SHC3: variants seen among roughly 807,000 people sequenced by gnomAD.
The protein encoded by SHC3 is SHC-transforming protein 3.
SHC3 carries 15 observed loss-of-function variants against 60.4 expected under a neutral mutation model. The ratio of observed to expected loss-of-function variants is 0.25; its 90% CI spans 0.17 to 0.38. The LOEUF (loss-of-function observed/expected upper bound fraction) is 0.38, where lower values mean the gene tolerates loss of function less well. Ranked by LOEUF, SHC3 falls within the 10% of genes least tolerant of loss-of-function variation. SHC3 has a pLI of 1.00. For missense variants in SHC3, 677 were observed against 786.1 expected, an observed-to-expected ratio of 0.86 and a Z score of 1.66; for synonymous variants, 294 against 325.9, an observed-to-expected ratio of 0.90 and a Z score of 1.05.
At chr9:89,036,758 CAG>C (rs1305139446) in intron 11 of SHC3, among the ~76,000 whole-genome samples, 3 of 151,874 alleles carry the variant, frequency 2.0e-5, no homozygotes, top group Non-Finnish European at 2.9e-5. Context: ...TTTTTTGAAA[CAG>C]AGTCTTTCTC....
intron 2 of SHC3, among the ~76,000 whole-genome samples, chr9:89,112,243 C>T (rs1825958070): frequency 1.3e-5 from 2 of 152,216 alleles, no homozygotes; most frequent in South Asian, 4.2e-4. Context: ...TTTTAAAATA[C>T]CAATCTTGTG....
At chr9:89,074,364 C>A (rs936530974) in intron 4 of SHC3, among the ~76,000 whole-genome samples, 1 of 152,092 alleles carries the variant, frequency 6.6e-6, no homozygotes, top group Non-Finnish European at 1.5e-5. Flanking sequence ...ACACTCCACA[C>A]CCCCCTGGAT....
At chr9:89,177,652 C>A (rs1336002163) in intron 1 of SHC3, among the ~76,000 whole-genome samples, 1 of 152,222 alleles carries the variant, frequency 6.6e-6, no homozygotes, top group East Asian at 1.9e-4. Flanking sequence ...GCAGGCCGGA[C>A]CCCCGCTGCC....
At chr9:89,023,934 C>T (rs986167828) in intron 11 of SHC3, among the ~76,000 whole-genome samples, 3 of 152,254 alleles carry the variant, frequency 2.0e-5, no homozygotes, top group Admixed American at 1.3e-4. Context: ...CCATCCCACA[C>T]ATCCAGGCCC....
At chr9:89,067,594 T>A (rs560261777) in intron 5 of SHC3, among the ~76,000 whole-genome samples, 30 of 152,334 alleles carry the variant, frequency 2.0e-4, no homozygotes, top group East Asian at 1.2e-3. Flanking sequence ...GACATTATAC[T>A]TGTACATGAT....
At chr9:89,108,943 T>C (rs967037541) in intron 2 of SHC3, 3 of 548,290 alleles carry the variant, frequency 5.5e-6, no homozygotes, top group East Asian at 1.5e-4. Flanking sequence ...CCCACTGCCC[T>C]GCATCTGGGA....
chr9:89,027,296 C>T (rs957421897), intron 11 of SHC3, among the ~76,000 whole-genome samples: 5 of 150,606 alleles, frequency 3.3e-5, no homozygotes, highest in African/African-American at 1.2e-4. Context: ...AAGTTTTTGA[C>T]AGTAGACAAC....
At position 89,013,536 on chromosome 9, in the gene SHC3, G is replaced by A; in HGVS notation, c.1696C>T (p.Leu566Phe). ...KDRVFDSISHLINHHLESSLP... is the reference protein window; with the variant it reads ...KDRVFDSISHFINHHLESSLP... ...CTGCTTTCTAGGTGGTGGTTGATGA[G>A]GTGGCTGATACTGTCAAAGACTCTG... The change falls in exon 12 of 12, where the codon CTC (leucine) becomes TTC (phenylalanine). Residue 566 changes from leucine to phenylalanine, a missense_variant. Coordinates refer to ENST00000375835, the MANE Select transcript of SHC3 (RefSeq NM_016848.6). 6.2e-7 allele frequency: 1 copy of A among 1,614,034 alleles called. No homozygotes were observed. Among genetic ancestry groups the A allele is most frequent in the South Asian group, 1.1e-5 (1 of 91,060 alleles).
At chr9:89,102,256 T>A (rs1825793645) in intron 2 of SHC3, among the ~76,000 whole-genome samples, 1 of 152,188 alleles carries the variant, frequency 6.6e-6, no homozygotes, top group African/African-American at 2.4e-5. Flanking sequence ...GCATTGATCT[T>A]TTTAAAAACC....
chr9:89,118,727 A>G (rs1429601216), intron 1 of SHC3, among the ~76,000 whole-genome samples: 1 of 152,202 alleles, frequency 6.6e-6, no homozygotes, highest in African/African-American at 2.4e-5. Flanking sequence ...CATCATCAAA[A>G]GTCTGAAGAA....
At chr9:89,017,257 G>A (rs543732057) in intron 11 of SHC3, among the ~76,000 whole-genome samples, 1 of 152,236 alleles carries the variant, frequency 6.6e-6, no homozygotes, top group South Asian at 2.1e-4. Flanking sequence ...ATACTACAAG[G>A]CTACAGTAAC....
chr9:89,046,331 A>G lies in SHC3; in HGVS notation c.1114-498T>C, dbSNP rs183749211. Among the ~76,000 whole-genome samples, 22 of 152,254 alleles carry G rather than the reference A, an allele frequency of 1.4e-4. No individual in the cohort carries two copies. In the East Asian group the frequency reaches 2.9e-3, roughly 20 times the overall value. The stretch of plus-strand genomic sequence containing the variant: ...ATTTTTAGTGGTGTCATTATCATTC[A>G]CATAAGGTAGTAACGTTAAAAAATT... On this transcript the variant is annotated intron_variant, in intron 8 of 11. Transcript: ENST00000375835.
intron 1 of SHC3, among the ~76,000 whole-genome samples, chr9:89,114,023 A>C (rs1029636461): frequency 1.3e-5 from 2 of 152,186 alleles, no homozygotes; most frequent in African/African-American, 4.8e-5. Flanking sequence ...CACCAAAGCC[A>C]CCATTGCAGA....
At chr9:89,163,392 C>T (rs1826739744) in intron 1 of SHC3, among the ~76,000 whole-genome samples, 1 of 151,966 alleles carries the variant, frequency 6.6e-6, no homozygotes, top group Non-Finnish European at 1.5e-5. Flanking sequence ...GGCACATATA[C>T]ACCATGGAAT....
rs181056901 is a variant in SHC3 at position 89,126,876 on chromosome 9, G to A, written c.475-14250C>T. Among the ~76,000 whole-genome samples, 18 of 152,310 alleles carry A rather than the reference G, an allele frequency of 1.2e-4. 1 individual carries two copies. In the East Asian group the frequency reaches 3.3e-3, roughly 28 times the overall value. Reference sequence around the variant, plus strand: ...GGGCTTAGGACCCCATAAGCCTGCTGTTCAAGATGACCCAACAAACTGGTC... The same window carrying A: ...GGGCTTAGGACCCCATAAGCCTGCTATTCAAGATGACCCAACAAACTGGTC... On this transcript the variant is annotated intron_variant, in intron 1 of 11. Transcript: ENST00000375835.
intron 2 of SHC3, among the ~76,000 whole-genome samples, chr9:89,107,519 T>C (rs1825880892): frequency 6.6e-6 from 1 of 152,250 alleles, no homozygotes. Flanking sequence ...GGGATGCACA[T>C]GCACACAGGC....
chr9:89,050,892 T>C (rs1334783165), intron 7 of SHC3, among the ~76,000 whole-genome samples: 1 of 146,332 alleles, frequency 6.8e-6, no homozygotes, highest in Non-Finnish European at 1.5e-5. Context: ...CTTGCTGAAG[T>C]TTCTTTCGTT....
In SHC3 at chr9:89,013,100, G is replaced by A. The variant is rs1042411197; in HGVS notation, c.*347C>T. ...CTAGTGGCATTTCCCGGTGGGATGG[G>A]TCAGTTGAATTAAATTTTTGCCTGG... On this transcript the variant is annotated 3_prime_UTR_variant, in exon 12 of 12. Transcript: ENST00000375835. 4 of 160,480 alleles carry A rather than the reference G, an allele frequency of 2.5e-5. No individual in the cohort carries two copies. Among genetic ancestry groups the A allele is most frequent in the Non-Finnish European group, 5.4e-5 (4 of 74,694 alleles). The allele number at this position is 160,480 out of a possible 1,614,324, so 9.9% of individuals were successfully genotyped here.
At chr9:89,115,641 C>A (rs1826009458) in intron 1 of SHC3, among the ~76,000 whole-genome samples, 1 of 152,168 alleles carries the variant, frequency 6.6e-6, no homozygotes, top group Admixed American at 6.5e-5. Context: ...CAGCAATCAT[C>A]TTAGAGTTGA....
Sources: allele counts gnomAD v4.1 joint callset (sites outside exome capture counted in the v4.1 genomes callset), GRCh38; gene constraint gnomAD v4.1.1; transcripts MANE v1.5; gene names NCBI Gene and HGNC (gene_info 2026-07-23, HGNC 2026-07-21).